Variants in CLEC12A observed in about 807,000 individuals in gnomAD.
CLEC12A encodes the protein C-type lectin domain family 12 member A, also known as C-type lectin protein CLL-1.
Under a neutral mutation model 26.5 loss-of-function variants are expected in CLEC12A, and 22 were observed. That is an observed-to-expected ratio of 0.83 (90% CI 0.59 to 1.19). The LOEUF is 1.19. Among genes scored for constraint, CLEC12A ranks in the 50% most tolerant of loss-of-function variants. CLEC12A has a pLI of 0.00. For missense variants in CLEC12A, 353 were observed against 315.6 expected, an observed-to-expected ratio of 1.12 and a Z score of -0.90; for synonymous variants, 119 against 101.9, an observed-to-expected ratio of 1.17 and a Z score of -1.01.
intron 5 of CLEC12A, among the ~76,000 whole-genome samples, chr12:9,983,232 A>G (rs1864632584): frequency 1.3e-5 from 2 of 152,090 alleles, no homozygotes; most frequent in Non-Finnish European, 2.9e-5. Context: ...AAAAATTGCC[A>G]TAGAGTTTAC....
intron 1 of CLEC12A, among the ~76,000 whole-genome samples, chr12:9,974,443 C>T (rs1864252253): frequency 6.6e-6 from 1 of 152,154 alleles, no homozygotes; most frequent in South Asian, 2.1e-4. Context: ...TTCCCTGAAT[C>T]TCAAGACTAG....
At chr12:9,991,378 T>C (rs1275870369) in intron 4 of CLEC12A, 1 of 152,198 alleles carries the variant, frequency 6.6e-6, no homozygotes, top group Non-Finnish European at 1.5e-5. Context: ...CACTAAGATA[T>C]TATTCTTCTA....
chr12:9,964,562 C>T (rs1211995446), intron 1 of CLEC12A, among the ~76,000 whole-genome samples: 2 of 152,076 alleles, frequency 1.3e-5, no homozygotes, highest in African/African-American at 4.8e-5. Flanking sequence ...GATTATCTAT[C>T]CCCTCTGAGA....
exon 5 of CLEC12A, chr12:9,995,539 T>C (rs558612150): frequency 8.1e-6 from 3 of 372,228 alleles, no homozygotes; most frequent in African/African-American, 6.3e-5. Context: ...TACTCCCAAA[T>C]AGAATACCAA....
intron 2 of CLEC12A, 115 bp downstream of exon 2, chr12:9,979,179 A>C: frequency 5.0e-6 from 5 of 1,001,902 alleles, no homozygotes; most frequent in Middle Eastern, 2.2e-4. Flanking sequence ...ATAGGCCCAC[A>C]AGGAGGACTT....
rs115325866 is a variant in CLEC12A at position 9,955,694 on chromosome 12, A to C, written c.10+4338A>C. 7.6e-3 allele frequency among the ~76,000 whole-genome samples: 1,157 copies of C among 152,348 alleles called. 15 individuals are homozygous for C. Among genetic ancestry groups the C allele is most frequent in the African/African-American group, 0.027 (1,127 of 41,578 alleles). The stretch of plus-strand genomic sequence containing the variant: ...TAAATCTCAGTTTTCCTAAGCAATC[A>C]AAAACCCAATAACAATGACATAGAA... On this transcript the variant is annotated intron_variant, in intron 1 of 6. Transcript: ENST00000355690.
chr12:9,967,150 G>A (rs914508221), upstream of CLEC12A, among the ~76,000 whole-genome samples: 2 of 151,718 alleles, frequency 1.3e-5, no homozygotes, highest in Admixed American at 6.6e-5. Context: ...GTGAGGAGGC[G>A]AGAGGTCACA....
downstream of CLEC12A, among the ~76,000 whole-genome samples, chr12:9,987,842 C>G (rs529909779): frequency 6.6e-6 from 1 of 151,792 alleles, no homozygotes; most frequent in African/African-American, 2.4e-5. Flanking sequence ...GAGTCTCGCT[C>G]TTGTCACCCA....
At chr12:9,981,061 G>A (rs186249167) in intron 4 of CLEC12A, among the ~76,000 whole-genome samples, 1 of 152,250 alleles carries the variant, frequency 6.6e-6, no homozygotes, top group East Asian at 1.9e-4. Context: ...AGGATACAGA[G>A]ATTATTCCCC....
chr12:10,000,880 C>T, the CLEC12A span, among the ~76,000 whole-genome samples: 1 of 152,132 alleles, frequency 6.6e-6, no homozygotes, highest in East Asian at 1.9e-4. Flanking sequence ...CACTGCTTTC[C>T]TTCAGTGTTT....
intron 1 of CLEC12A, among the ~76,000 whole-genome samples, chr12:9,973,500 T>A (rs1018937362): frequency 6.6e-6 from 1 of 151,228 alleles, no homozygotes; most frequent in Non-Finnish European, 1.5e-5. Context: ...AACAAACAAA[T>A]AAAAACAACT....
chr12:9,993,906 T>G (rs966397379), intron 4 of CLEC12A, among the ~76,000 whole-genome samples: 1 of 152,164 alleles, frequency 6.6e-6, no homozygotes. Context: ...AGTTGTTCTA[T>G]GTGCTGAGGA....
chr12:9,957,939 G>A (rs1469737172), intron 1 of CLEC12A, among the ~76,000 whole-genome samples: 1 of 152,216 alleles, frequency 6.6e-6, no homozygotes, highest in African/African-American at 2.4e-5. Context: ...TATTGGGTCA[G>A]GCTTTGAGGC....
chr12:9,970,776 G>T (rs994084046), upstream of CLEC12A, among the ~76,000 whole-genome samples: 1 of 152,120 alleles, frequency 6.6e-6, no homozygotes, highest in African/African-American at 2.4e-5. Context: ...TACAGACCTT[G>T]GCCATCAGTA....
intron 4 of CLEC12A, 107 bp downstream of exon 4, chr12:9,980,840 G>T: frequency 8.6e-7 from 1 of 1,158,434 alleles, no homozygotes; most frequent in Non-Finnish European, 1.2e-6. Context: ...GTTGGGGTGT[G>T]AAGTGACTGA....
chr12:9,968,346 G>A (rs1325155733), upstream of CLEC12A, among the ~76,000 whole-genome samples: 7 of 152,096 alleles, frequency 4.6e-5, no homozygotes, highest in African/African-American at 1.7e-4. Context: ...CCTGGGTGCA[G>A]GTGGGCTGAG....
At chr12:9,979,203 T>TA (rs1173770931) in intron 2 of CLEC12A, 133 bp from the exon 3 acceptor site, 7 of 958,466 alleles carry the variant, frequency 7.3e-6, no homozygotes, top group Non-Finnish European at 1.1e-5. Context: ...ATGTGGAACT[T>TA]AGTCTCTTTC....
chr12:9,964,427 T>C (rs1863892978), intron 1 of CLEC12A, among the ~76,000 whole-genome samples: 1 of 152,042 alleles, frequency 6.6e-6, no homozygotes, highest in African/African-American at 2.4e-5. Context: ...GTTTATAGTG[T>C]GGTGGAGATA....
At chr12:9,996,867 C>T (rs1304625772), downstream of CLEC12A, 1 of 1,614,088 alleles carries the variant, frequency 6.2e-7, no homozygotes, top group Non-Finnish European at 8.5e-7. Context: ...GGTTGTCAAT[C>T]TTCAGGAGAG....
Sources: gnomAD v4.1 joint callset for allele counts (sites outside exome capture counted in the v4.1 genomes callset) on GRCh38, gnomAD v4.1.1 for gene constraint, MANE v1.5 for transcripts, NCBI Gene and HGNC (gene_info 2026-07-23, HGNC 2026-07-21) for gene names.